Variants in CSNK1G2 observed in about 807,000 individuals in gnomAD.
CSNK1G2 encodes casein kinase 1 gamma 2, also known as casein kinase I isoform gamma-2.
A neutral mutation model predicts 48.0 loss-of-function variants in CSNK1G2; 11 were observed. The observed-to-expected ratio is 0.23, with a 90% CI of 0.14 to 0.38. The LOEUF is 0.38. CSNK1G2 is among the 10% of genes least tolerant of loss of function. CSNK1G2 has a pLI of 1.00. For synonymous variants in CSNK1G2, 337 were observed against 254.1 expected, an observed-to-expected ratio of 1.33 and a Z score of -3.10; for missense variants, 446 against 595.5, an observed-to-expected ratio of 0.75 and a Z score of 2.61.
At chr19:1,951,226 C>T (rs1340706890) in intron 1 of CSNK1G2, among the ~76,000 whole-genome samples, 1 of 144,820 alleles carries the variant, frequency 6.9e-6, no homozygotes, top group East Asian at 2.1e-4. Context: ...CTAAAATACC[C>T]TGTCTCTACT....
At chr19:1,975,492 A>C in intron 2 of CSNK1G2, 2 of 985,460 alleles carry the variant, frequency 2.0e-6, no homozygotes, top group African/African-American at 1.7e-5. Flanking sequence ...CAGATGGGCA[A>C]ACCAAACCCC....
intron 2 of CSNK1G2, among the ~76,000 whole-genome samples, chr19:1,972,024 C>G (rs1202712380): frequency 1.3e-5 from 2 of 152,210 alleles, no homozygotes; most frequent in African/African-American, 4.8e-5. Flanking sequence ...CCACCTCGGC[C>G]TCCCAAAGTG....
At chr19:1,958,014 G>A (rs759056917) in intron 1 of CSNK1G2, among the ~76,000 whole-genome samples, 10 of 152,144 alleles carry the variant, frequency 6.6e-5, no homozygotes, top group Non-Finnish European at 1.0e-4. Context: ...TCCGGAAGCC[G>A]GGTGTTGGGA....
At chr19:1,948,250 G>A (rs1424430539) in intron 1 of CSNK1G2, among the ~76,000 whole-genome samples, 3 of 152,196 alleles carry the variant, frequency 2.0e-5, no homozygotes, top group Non-Finnish European at 4.4e-5. Context: ...CCGGCCGGGC[G>A]TGGTGGCTCA....
At position 1,966,203 on chromosome 19, in the gene CSNK1G2, C is replaced by G. The variant is rs2015360804; in HGVS notation, c.-265-3305C>G. 2.0e-5 allele frequency among the ~76,000 whole-genome samples: 3 copies of G among 152,270 alleles called. No homozygotes were observed. In the South Asian group the frequency reaches 6.2e-4, roughly 32 times the overall value. On this transcript the variant is annotated intron_variant, in intron 1 of 11. Coordinates refer to ENST00000255641, the MANE Select transcript of CSNK1G2 (RefSeq NM_001319.7). ...GCTGGGGAAATTGGGTAAATTGAAA[C>G]CCCCGGAAAGGCTTTGCCGTTCTAG...
At chr19:1,968,705 G>A (rs899209026) in intron 1 of CSNK1G2, 4 of 152,572 alleles carry the variant, frequency 2.6e-5, no homozygotes, top group African/African-American at 9.6e-5. Flanking sequence ...CCCTGGGGTA[G>A]AAGTTTGCTG....
rs376760598 is a variant in CSNK1G2, at chr19:1,978,900, C to T, written c.489C>T (p.Tyr163=). ...MEYVHTKSLI[Y]RDVKPENFLV... is the part of the protein sequence containing the mutation. ...ATGTGCACACCAAGAGCCTAATCTACCGGGACGTGAAGCCCGAGAACTTCC... is the reference window on the plus strand; with the variant it reads ...ATGTGCACACCAAGAGCCTAATCTATCGGGACGTGAAGCCCGAGAACTTCC... Residue 163 remains tyrosine, a synonymous_variant, in exon 6 of 12, where the codon TAC becomes TAT. Coordinates refer to ENST00000255641, the MANE Select transcript of CSNK1G2 (RefSeq NM_001319.7). This position sits in a 1 kb window ranked among gnomAD's most constrained non-coding sequence, Gnocchi z 7.3. 10 of 1,603,122 alleles carry T rather than the reference C, an allele frequency of 6.2e-6. No homozygotes were observed. In the South Asian group the frequency reaches 8.8e-5, roughly 14 times the overall value.
chr19:1,961,728 C>G (rs983369086), intron 1 of CSNK1G2, among the ~76,000 whole-genome samples: 3 of 152,244 alleles, frequency 2.0e-5, no homozygotes, highest in Non-Finnish European at 4.4e-5. Flanking sequence ...TCCCCCAAAA[C>G]GCCCAGGAAG....
intron 2 of CSNK1G2, among the ~76,000 whole-genome samples, chr19:1,973,974 G>A (rs184537923): frequency 0.013 from 1,971 of 152,074 alleles, 38 homozygotes; most frequent in Admixed American, 0.048. Flanking sequence ...CACAACCTCC[G>A]CCTCCCGGGT....
intron 1 of CSNK1G2, among the ~76,000 whole-genome samples, chr19:1,955,573 G>A (rs951774480): frequency 2.8e-5 from 4 of 144,686 alleles, no homozygotes; most frequent in African/African-American, 8.6e-5. Flanking sequence ...CGGGGGCAGC[G>A]CCCAGGTCAG....
At chr19:1,949,357 C>G (rs1005022560) in intron 1 of CSNK1G2, among the ~76,000 whole-genome samples, 16 of 152,338 alleles carry the variant, frequency 1.1e-4, no homozygotes, top group Admixed American at 9.8e-4. Context: ...GGCTCTGTGA[C>G]TCTGAGGGCT....
chr19:1,972,547 C>T (rs1179022200), intron 2 of CSNK1G2, among the ~76,000 whole-genome samples: 1 of 152,184 alleles, frequency 6.6e-6, no homozygotes, highest in Non-Finnish European at 1.5e-5. Flanking sequence ...TGTGTTGGTA[C>T]TTTTTCAAAT....
In CSNK1G2 at chr19:1,979,222, G is replaced by C; in HGVS notation, c.742G>C (p.Gly248Arg). 1 of 1,551,396 alleles carries C rather than the reference G, an allele frequency of 6.4e-7. No homozygotes were observed. The highest frequency in any genetic ancestry group is 8.7e-7 in the Non-Finnish European group (1 of 1,147,518). The change falls in exon 7 of 12, where the codon GGC becomes CGC. Residue 248 changes from glycine (G) to arginine (R), a missense_variant. Coordinates refer to ENST00000255641, the MANE Select transcript of CSNK1G2 (RefSeq NM_001319.7). ...CCACATGTTCATGTACTTCCTGCGC[G>C]GCAGCCTCCCCTGGCAGGGGCTCAA... is the stretch of plus-strand genomic sequence containing the variant. ...LGHMFMYFLRGSLPWQGLKAD... is the reference protein window; with the variant it reads ...LGHMFMYFLRRSLPWQGLKAD...
At chr19:1,975,296 A>G (rs1440573910) in intron 2 of CSNK1G2, 1 of 985,368 alleles carries the variant, frequency 1.0e-6, no homozygotes, top group Non-Finnish European at 1.2e-6. Flanking sequence ...GGGACGGTGT[A>G]GCACACAGGC....
chr19:1,947,851 T>G (rs1017917906), intron 1 of CSNK1G2, among the ~76,000 whole-genome samples: 1 of 152,158 alleles, frequency 6.6e-6, no homozygotes, highest in Non-Finnish European at 1.5e-5. Context: ...GAGCCCTGGG[T>G]GGACCGTGGC....
At chr19:1,963,852 T>C (rs1353598693) in intron 1 of CSNK1G2, among the ~76,000 whole-genome samples, 1 of 148,186 alleles carries the variant, frequency 6.7e-6, no homozygotes, top group Non-Finnish European at 1.5e-5. Context: ...AATCTCGCTC[T>C]GTCGCCCAGG....
intron 1 of CSNK1G2, chr19:1,954,068 G>T (rs371169189): frequency 5.9e-6 from 3 of 508,350 alleles, no homozygotes; most frequent in Non-Finnish European, 1.2e-5. Context: ...TCCTCCCATG[G>T]GGTGGGCGGC....
Position 1,957,084 on chromosome 19 carries a change from C to T in CSNK1G2, c.-265-12424C>T, listed in dbSNP as rs182662527. Among the ~76,000 whole-genome samples the T allele has an allele frequency of 5.9e-5, 9 of 152,222 alleles. No homozygotes were observed. In the East Asian group the frequency reaches 7.7e-4, roughly 13 times the overall value. The stretch of plus-strand genomic sequence containing the variant: ...GCTGCGTGGCTTAAACGGTGCCACC[C>T]GGAGATTGGTGGGCGGGATTGGGCC... On this transcript the variant is annotated intron_variant, in intron 1 of 11. Coordinates refer to ENST00000255641, the MANE Select transcript of CSNK1G2 (RefSeq NM_001319.7). The surrounding 1 kb of genome is among the most constrained non-coding windows in gnomAD (Gnocchi z 5.4).
chr19:1,978,275 T>C lies in CSNK1G2; in HGVS notation c.188-30T>C, dbSNP rs373357078. 1.2e-5 allele frequency: 19 copies of C among 1,612,544 alleles called. 2 individuals are homozygous for C. Among genetic ancestry groups the C allele is most frequent in the Middle Eastern group, 1.7e-4 (1 of 5,734 alleles). On this transcript the variant is annotated intron_variant, in intron 2 of 11. Transcript: ENST00000255641. This position sits in a 1 kb window ranked among gnomAD's most constrained non-coding sequence, Gnocchi z 7.3. ...GGTCGGGGCTAGGTGGGCCCTGCGC[T>C]GGCGGTGCTGATGGTCTCTGTCCCC...
Sources: gnomAD v4.1 joint callset for allele counts (sites outside exome capture counted in the v4.1 genomes callset) on GRCh38, gnomAD v4.1.1 for gene constraint, Gnocchi (gnomAD v3.1) non-coding constraint, MANE v1.5 for transcripts, NCBI Gene and HGNC (gene_info 2026-07-23, HGNC 2026-07-21) for gene names.